Variants in FREM1 observed in about 807,000 individuals in gnomAD.
FREM1 encodes FRAS1 related extracellular matrix 1, also known as FRAS1-related extracellular matrix protein 1.
A neutral mutation model predicts 210.1 loss-of-function variants in FREM1; 220 were observed. The observed-to-expected ratio is 1.05, with a 90% CI of 0.94 to 1.17. The LOEUF (loss-of-function observed/expected upper bound fraction) is 1.17, where lower values mean the gene tolerates loss of function less well. Ranked by LOEUF, FREM1 falls within the 50% of genes most tolerant of loss-of-function variation. The pLI is 0.00. For synonymous variants in FREM1, 1,189 were observed against 980.2 expected (o/e 1.21, Z -3.98); for missense variants, 3,454 against 2,675.5 (o/e 1.29, Z -6.42).
At chr9:14,867,360 A>G (rs1831717243) in intron 2 of FREM1, among the ~76,000 whole-genome samples, 1 of 152,222 alleles carries the variant, frequency 6.6e-6, no homozygotes, top group Admixed American at 6.5e-5. Context: ...CTGAGGAGAC[A>G]CTGCAACTAC....
intron 35 of FREM1, among the ~76,000 whole-genome samples, chr9:14,743,403 T>G (rs1841896712): frequency 6.6e-6 from 1 of 152,056 alleles, no homozygotes; most frequent in Non-Finnish European, 1.5e-5. Context: ...GCATCGACAA[T>G]GTTATAAGTT....
At position 14,859,441 on chromosome 9, in the gene FREM1, C is replaced by A. The variant is rs772899075; in HGVS notation, c.373G>T (p.Val125Phe). ...DTFIETFILWVYLLEPDCNII... is the reference protein window; with the variant it reads ...DTFIETFILWFYLLEPDCNII... ...TTACAGTCTGGTTCCAGGAGATAGACCCACAGGATAAAAGTTTCTATGAAG... is the reference window on the plus strand; with the variant it reads ...TTACAGTCTGGTTCCAGGAGATAGAACCACAGGATAAAAGTTTCTATGAAG... Residue 125 changes from valine to phenylalanine, a missense_variant, in exon 4 of 37, where the codon GTC (valine) becomes TTC (phenylalanine). Val to Phe is a conservative substitution (Grantham distance 50, BLOSUM62 -1). Coordinates refer to ENST00000380880, the MANE Select transcript of FREM1 (RefSeq NM_001379081.2). The A allele has an allele frequency of 1.4e-5, 22 of 1,613,616 alleles. No individual in the cohort carries two copies. In the Admixed American group the frequency reaches 2.0e-4, roughly 15 times the overall value.
At chr9:14,787,520 G>A (rs1161215575) in intron 23 of FREM1, among the ~76,000 whole-genome samples, 3 of 152,122 alleles carry the variant, frequency 2.0e-5, no homozygotes, top group Non-Finnish European at 4.4e-5. Context: ...TCTTAATGTG[G>A]CATGTGGCTG....
rs1439049992 is a variant in FREM1 at position 14,846,096 on chromosome 9, G to C, written c.1262-5C>G. 1.3e-6 allele frequency: 2 copies of C among 1,560,674 alleles called. No homozygotes were observed. The highest frequency in any genetic ancestry group is 4.8e-5 in the East Asian group (2 of 41,868). ...GCCCCTCAAGGAGACTCAGACCTAT[G>C]AAAGAAAGGAGAAAAGGGTGTTGGT... On this transcript the variant is annotated splice_polypyrimidine_tract_variant and splice_region_variant and intron_variant, in intron 7 of 36. Transcript: ENST00000380880.
At chr9:14,875,309 C>T (rs1408001417) in intron 1 of FREM1, among the ~76,000 whole-genome samples, 3 of 152,222 alleles carry the variant, frequency 2.0e-5, no homozygotes, top group Non-Finnish European at 4.4e-5. Context: ...CTTTCAGGTA[C>T]ACCAATCAGA....
intron 23 of FREM1, among the ~76,000 whole-genome samples, chr9:14,785,058 C>T (rs1286601770): frequency 6.6e-6 from 1 of 152,158 alleles, no homozygotes; most frequent in Non-Finnish European, 1.5e-5. Flanking sequence ...TTCACGTATA[C>T]CTTGACCCAG....
chr9:14,799,786 AT>A (rs1016898545), intron 20 of FREM1, among the ~76,000 whole-genome samples: 2 of 151,784 alleles, frequency 1.3e-5, no homozygotes, highest in Non-Finnish European at 2.9e-5. Context: ...ATATAAATGC[AT>A]TTTTTTCTTT....
At chr9:14,764,880 A>C (rs1846106852) in intron 27 of FREM1, among the ~76,000 whole-genome samples, 1 of 152,226 alleles carries the variant, frequency 6.6e-6, no homozygotes, top group Non-Finnish European at 1.5e-5. Flanking sequence ...TGGGGCATTA[A>C]TCCAGGTTAA....
Position 14,793,613 on chromosome 9 carries a change from G to C in FREM1, c.3840-729C>G, listed in dbSNP as rs1208426576. Among the ~76,000 whole-genome samples the C allele has an allele frequency of 6.6e-5, 10 of 152,142 alleles. No individual in the cohort carries two copies. In the South Asian group the frequency reaches 2.1e-3, roughly 32 times the overall value. ...CCATTGTCCCTGGTCTCGCCAAAGT[G>C]AGAAAGGGATCTCTTTCCACCAGGG... On this transcript the variant is annotated intron_variant, in intron 21 of 36. Coordinates refer to ENST00000380880, the MANE Select transcript of FREM1 (RefSeq NM_001379081.2).
At chr9:14,821,408 C>T (rs1485849055) in intron 13 of FREM1, among the ~76,000 whole-genome samples, 1 of 152,172 alleles carries the variant, frequency 6.6e-6, no homozygotes, top group East Asian at 1.9e-4. Context: ...CATTCTCCAT[C>T]AAGAGGCTTG....
chr9:14,782,067 T>G (rs10961703), intron 24 of FREM1, among the ~76,000 whole-genome samples: 17,557 of 152,244 alleles, frequency 0.12, 1,292 homozygotes, highest in Non-Finnish European at 0.16. Flanking sequence ...GACCAGACTA[T>G]TGATGGCTAG....
rs766791345 is a variant in FREM1 at position 14,859,319 on chromosome 9, C to T, written c.495G>A (p.Arg165=). Residue 165 remains arginine, a synonymous_variant, in exon 4 of 37, where the codon AGG becomes AGA. Coordinates refer to ENST00000380880, the MANE Select transcript of FREM1 (RefSeq NM_001379081.2). ...DKNLLRFDYD[R]MASLECTVSL... is the part of the protein sequence containing the mutation. Reference sequence around the variant, plus strand: ...TGACGGTACATTCCAGGCTAGCCATCCTATCATAATCGAATCTGAGCAGAT... The same window carrying T: ...TGACGGTACATTCCAGGCTAGCCATTCTATCATAATCGAATCTGAGCAGAT... 3.1e-6 allele frequency: 5 copies of T among 1,613,752 alleles called. No individual in the cohort carries two copies. The highest frequency in any genetic ancestry group is 4.2e-6 in the Non-Finnish European group (5 of 1,179,888).
At chr9:14,872,594 T>A (rs944764424) in intron 1 of FREM1, among the ~76,000 whole-genome samples, 10 of 152,086 alleles carry the variant, frequency 6.6e-5, no homozygotes, top group African/African-American at 2.4e-4. Context: ...TTTCTAGATA[T>A]ACAATCATGT....
chr9:14,870,337 C>A (rs570805832), intron 1 of FREM1, among the ~76,000 whole-genome samples: 14 of 152,204 alleles, frequency 9.2e-5, no homozygotes, highest in Non-Finnish European at 1.9e-4. Context: ...GTACACTTTA[C>A]AGAGCAGCCT....
chr9:14,856,694 G>A (rs1221048240), intron 5 of FREM1, among the ~76,000 whole-genome samples: 1 of 151,996 alleles, frequency 6.6e-6, no homozygotes, highest in Non-Finnish European at 1.5e-5. Context: ...TTGGCCGGGC[G>A]TGGTGGCAGG....
chr9:14,796,295 G>T (rs530254787), intron 21 of FREM1, among the ~76,000 whole-genome samples: 1 of 152,102 alleles, frequency 6.6e-6, no homozygotes, highest in Non-Finnish European at 1.5e-5. Context: ...GTCTCTTACT[G>T]TTGCACTATT....
chr9:14,758,079 G>T (rs1844759399), intron 28 of FREM1, among the ~76,000 whole-genome samples: 1 of 152,090 alleles, frequency 6.6e-6, no homozygotes, highest in South Asian at 2.1e-4. Context: ...TCAGGTGAAG[G>T]TGCACAATTC....
intron 9 of FREM1, among the ~76,000 whole-genome samples, chr9:14,842,044 G>A (rs991987472): frequency 6.6e-6 from 1 of 152,046 alleles, no homozygotes; most frequent in Non-Finnish European, 1.5e-5. Context: ...CACCTTGCTC[G>A]GCTGACTTAA....
At chr9:14,886,441 T>C (rs1173789642) in intron 1 of FREM1, among the ~76,000 whole-genome samples, 2 of 126,830 alleles carry the variant, frequency 1.6e-5, no homozygotes, top group South Asian at 5.1e-4. Context: ...AACAGAGAAA[T>C]GGCATTTTAA....
Sources: gnomAD v4.1 joint callset for allele counts (sites outside exome capture counted in the v4.1 genomes callset) on GRCh38, gnomAD v4.1.1 for gene constraint, MANE v1.5 for transcripts, NCBI Gene and HGNC (gene_info 2026-07-23, HGNC 2026-07-21) for gene names.